The following SLC44A1 variants were observed in gnomAD, a reference collection of about 807,000 sequenced individuals.
SLC44A1 encodes choline transporter-like protein 1.
Under a neutral mutation model 79.3 loss-of-function variants are expected in SLC44A1, and 26 were observed. The observed-to-expected ratio is 0.33, with a 90% CI of 0.24 to 0.46. The LOEUF (loss-of-function observed/expected upper bound fraction) is 0.46, where lower values mean the gene tolerates loss of function less well. Ranked by LOEUF, SLC44A1 falls within the 20% of genes least tolerant of loss-of-function variation. The pLI, the probability that SLC44A1 is intolerant of heterozygous loss-of-function variation, is 1.00. For synonymous variants in SLC44A1, 263 were observed against 286.2 expected, an observed-to-expected ratio of 0.92 and a Z score of 0.82; for missense variants, 688 against 798.1, an observed-to-expected ratio of 0.86 and a Z score of 1.66.
chr9:105,323,013 A>G (rs1826443532), intron 3 of SLC44A1, among the ~76,000 whole-genome samples: 1 of 151,318 alleles, frequency 6.6e-6, no homozygotes, highest in Non-Finnish European at 1.5e-5. Flanking sequence ...ACTTGAGGTC[A>G]GGAGTTTGAG....
chr9:105,358,407 C>T lies in SLC44A1; in HGVS notation c.734C>T (p.Thr245Met), dbSNP rs745874463. 3.8e-6 allele frequency: 6 copies of T among 1,596,692 alleles called. No homozygotes were observed. Among genetic ancestry groups the T allele is most frequent in the Admixed American group, 1.7e-5 (1 of 59,894 alleles). Residue 245 changes from threonine (T) to methionine (M), a missense_variant, in exon 7 of 16, where the codon ACG (threonine) becomes ATG (methionine). Physicochemically the swap from Thr to Met is moderately conservative, Grantham distance 81. Transcript: ENST00000374720. Reference sequence around the variant, plus strand: ...TCAAGAGTACTTGTGTGGATCTTAACGATTCTGGTCATACTCGGTTCACTT... The same window carrying T: ...TCAAGAGTACTTGTGTGGATCTTAATGATTCTGGTCATACTCGGTTCACTT... ...YISRVLVWIL[T>M]ILVILGSLGG...
chr9:105,247,081 G>A (rs1043875626), intron 1 of SLC44A1, among the ~76,000 whole-genome samples: 8 of 151,182 alleles, frequency 5.3e-5, no homozygotes, highest in Admixed American at 4.6e-4. Context: ...TTGTGCCAAA[G>A]AGCTGGTGAT....
At chr9:105,254,628 C>T (rs1430853286) in intron 1 of SLC44A1, among the ~76,000 whole-genome samples, 5 of 152,176 alleles carry the variant, frequency 3.3e-5, no homozygotes, top group African/African-American at 1.2e-4. Flanking sequence ...CTTCACAGTT[C>T]GTAGTTCAAA....
At chr9:105,254,717 A>G (rs541382599) in intron 1 of SLC44A1, among the ~76,000 whole-genome samples, 27 of 152,026 alleles carry the variant, frequency 1.8e-4, no homozygotes, top group Non-Finnish European at 3.1e-4. Flanking sequence ...TTTTTTGCTC[A>G]CCCCCACTGC....
intron 12 of SLC44A1, among the ~76,000 whole-genome samples, chr9:105,371,592 G>C (rs1001887929): frequency 3.3e-5 from 5 of 151,920 alleles, no homozygotes; most frequent in African/African-American, 1.2e-4. Flanking sequence ...TTAGCCGGGT[G>C]CCTGTAGTCC....
chr9:105,299,292 C>G lies in SLC44A1; in HGVS notation c.109C>G (p.Leu37Val). Residue 37 changes from leucine (L) to valine (V), a missense_variant, in exon 2 of 16, where the codon CTC becomes GTC. Leu to Val is a conservative substitution (Grantham distance 32, BLOSUM62 1). Coordinates refer to ENST00000374720, the MANE Select transcript of SLC44A1 (RefSeq NM_080546.5). Reference sequence around the variant, plus strand: ...CATACCATGGCTGCTGCTCTTCATCCTCTTCTGCATTGGGATGGTAAGGAA... The same window carrying G: ...CATACCATGGCTGCTGCTCTTCATCGTCTTCTGCATTGGGATGGTAAGGAA... Reference protein sequence around the residue: ...TDIPWLLLFILFCIGMGFICG... With the variant: ...TDIPWLLLFIVFCIGMGFICG... 6.3e-7 allele frequency: 1 copy of G among 1,590,900 alleles called. No homozygotes were observed. Among genetic ancestry groups the G allele is most frequent in the Non-Finnish European group, 8.5e-7 (1 of 1,171,902 alleles).
At chr9:105,302,042 T>A (rs1275924232) in intron 2 of SLC44A1, among the ~76,000 whole-genome samples, 1 of 152,208 alleles carries the variant, frequency 6.6e-6, no homozygotes, top group Non-Finnish European at 1.5e-5. Context: ...CATCTCTTCA[T>A]CAATATTTGT....
chr9:105,384,289 T>TTC (rs1828564527), intron 14 of SLC44A1, among the ~76,000 whole-genome samples: 1 of 152,080 alleles, frequency 6.6e-6, no homozygotes, highest in African/African-American at 2.4e-5. Flanking sequence ...GTTCAAGCAG[T>TTC]TCTCCCTCAG....
intron 12 of SLC44A1, among the ~76,000 whole-genome samples, chr9:105,370,866 T>C (rs1279803999): frequency 6.6e-6 from 1 of 152,188 alleles, no homozygotes; most frequent in African/African-American, 2.4e-5. Context: ...TTTAAATGGG[T>C]TGTCCAATTT....
At chr9:105,411,085 A>C (rs1383002869) in intron 15 of SLC44A1, among the ~76,000 whole-genome samples, 1 of 152,202 alleles carries the variant, frequency 6.6e-6, no homozygotes, top group Non-Finnish European at 1.5e-5. Context: ...GGGTAATGAA[A>C]ATATTCTGGA....
intron 1 of SLC44A1, among the ~76,000 whole-genome samples, chr9:105,294,173 T>C (rs1281962125): frequency 6.6e-6 from 1 of 152,206 alleles, no homozygotes; most frequent in Non-Finnish European, 1.5e-5. Flanking sequence ...ACTGTGGATA[T>C]TGTTGTAGGA....
chr9:105,244,945 C>G (rs1829391350), intron 1 of SLC44A1, 41 bp downstream of exon 1: 10 of 1,099,864 alleles, frequency 9.1e-6, no homozygotes, highest in Non-Finnish European at 1.1e-5. Flanking sequence ...CCGGATGCCT[C>G]CCGTGCGCCG....
At chr9:105,407,899 G>C (rs1228712570) in intron 15 of SLC44A1, among the ~76,000 whole-genome samples, 1 of 148,364 alleles carries the variant, frequency 6.7e-6, no homozygotes, top group African/African-American at 2.5e-5. Context: ...AGGCACGATG[G>C]CTCACACCTG....
intron 3 of SLC44A1, among the ~76,000 whole-genome samples, chr9:105,330,651 C>T (rs1826721793): frequency 6.6e-6 from 1 of 152,188 alleles, no homozygotes; most frequent in Admixed American, 6.5e-5. Context: ...ATCTTTGGTG[C>T]ATCTGTCCTC....
At chr9:105,248,050 A>G (rs1037371441) in intron 1 of SLC44A1, among the ~76,000 whole-genome samples, 5 of 152,206 alleles carry the variant, frequency 3.3e-5, no homozygotes, top group African/African-American at 4.8e-5. Flanking sequence ...AGTGGCTACA[A>G]CATCTTAAAA....
chr9:105,278,469 C>T (rs1016004348), intron 1 of SLC44A1, among the ~76,000 whole-genome samples: 2 of 152,132 alleles, frequency 1.3e-5, no homozygotes, highest in Non-Finnish European at 2.9e-5. Context: ...AGGAGGGTCT[C>T]GATCTCTTGA....
Position 105,383,310 on chromosome 9 carries a change from A to T in SLC44A1, c.1820A>T (p.Tyr607Phe). 6.2e-7 allele frequency: 1 copy of T among 1,613,650 alleles called. No homozygotes were observed. The highest frequency in any genetic ancestry group is 1.7e-5 in the Admixed American group (1 of 60,034). The change falls in exon 14 of 16, where the codon TAC (tyrosine) becomes TTC (phenylalanine). Residue 607 changes from tyrosine (Y) to phenylalanine (F), a missense_variant. Transcript: ENST00000374720. The stretch of plus-strand genomic sequence containing the variant: ...TTGTGTTTTGCCATTGATACAAAAT[A>T]CAATGATGGGAGCCCTGGCAGAGAA... ...LFLCFAIDTK[Y>F]NDGSPGREFY...
chr9:105,306,358 C>G (rs1175039924), intron 2 of SLC44A1, among the ~76,000 whole-genome samples: 1 of 152,190 alleles, frequency 6.6e-6, no homozygotes, highest in African/African-American at 2.4e-5. Flanking sequence ...ACTTTAATTT[C>G]ATGTGCCACA....
chr9:105,357,560 A>C (rs1035326296), intron 6 of SLC44A1, among the ~76,000 whole-genome samples: 1 of 152,132 alleles, frequency 6.6e-6, no homozygotes, highest in African/African-American at 2.4e-5. Context: ...GAAATTTATA[A>C]ATTATTATTT....
Sources: allele counts gnomAD v4.1 joint callset (sites outside exome capture counted in the v4.1 genomes callset), GRCh38; gene constraint gnomAD v4.1.1; transcripts MANE v1.5; gene names NCBI Gene and HGNC (gene_info 2026-07-23, HGNC 2026-07-21).